The following ARID5B variants were observed in gnomAD, a reference collection of about 807,000 sequenced individuals.
ARID5B encodes the protein AT-rich interaction domain 5B.
A neutral mutation model predicts 97.2 loss-of-function variants in ARID5B; 13 were observed. The observed-to-expected ratio is 0.13, with a 90% confidence interval of 0.09 to 0.21. The LOEUF (loss-of-function observed/expected upper bound fraction) is 0.21, where lower values mean the gene tolerates loss of function less well. ARID5B is among the 10% of genes least tolerant of loss of function. The pLI is 1.00. For missense variants in ARID5B, 1,210 were observed against 1,465.3 expected (o/e 0.83, Z 2.84); for synonymous variants, 556 against 570.3 (o/e 0.97, Z 0.36).
At chr10:61,948,111 C>A (rs1055925889) in intron 3 of ARID5B, among the ~76,000 whole-genome samples, 1 of 152,100 alleles carries the variant, frequency 6.6e-6, no homozygotes, top group Non-Finnish European at 1.5e-5. Flanking sequence ...GAAATTGGAA[C>A]TTTCTGTGCT....
intron 4 of ARID5B, among the ~76,000 whole-genome samples, chr10:62,010,685 A>T (rs1315933241): frequency 6.6e-6 from 1 of 152,192 alleles, no homozygotes; most frequent in African/African-American, 2.4e-5. Flanking sequence ...TTAGCTAAAG[A>T]TTGTTCATTT....
chr10:62,046,054 A>G, intron 4 of ARID5B, among the ~76,000 whole-genome samples: 1 of 152,228 alleles, frequency 6.6e-6, no homozygotes. Flanking sequence ...GGAAGCTCAC[A>G]AAGAATTTCT....
At chr10:61,902,789 C>T (rs1221815666) in intron 2 of ARID5B, among the ~76,000 whole-genome samples, 1 of 150,740 alleles carries the variant, frequency 6.6e-6, no homozygotes, top group Admixed American at 6.6e-5. Context: ...TGAAAATTTA[C>T]CTTCGTGTCT....
At chr10:61,925,250 G>T (rs1221493788) in intron 2 of ARID5B, among the ~76,000 whole-genome samples, 2 of 152,024 alleles carry the variant, frequency 1.3e-5, no homozygotes, top group African/African-American at 2.4e-5. Flanking sequence ...TAAAGTAATG[G>T]TCGAGTCATT....
intron 7 of ARID5B, among the ~76,000 whole-genome samples, chr10:62,065,152 C>T (rs1179791745): frequency 2.0e-5 from 3 of 152,184 alleles, no homozygotes; most frequent in Admixed American, 6.5e-5. Context: ...GTGCTTTTCA[C>T]AGAGTCTCTT....
intron 4 of ARID5B, among the ~76,000 whole-genome samples, chr10:62,005,984 A>G (rs532148723): frequency 3.9e-5 from 6 of 152,346 alleles, no homozygotes; most frequent in Admixed American, 2.0e-4. Context: ...TGATCTCCCA[A>G]ATGATAAGAA....
At chr10:61,976,584 G>A (rs1379792969) in intron 3 of ARID5B, among the ~76,000 whole-genome samples, 1 of 152,164 alleles carries the variant, frequency 6.6e-6, no homozygotes, top group African/African-American at 2.4e-5. Context: ...TACTGATGGG[G>A]AAAATGAATA....
chr10:62,038,948 A>C (rs1839599736), intron 4 of ARID5B, among the ~76,000 whole-genome samples: 2 of 152,238 alleles, frequency 1.3e-5, no homozygotes, highest in Admixed American at 6.5e-5. Context: ...ATTGCCATAC[A>C]TGCAGCCTCC....
intron 3 of ARID5B, among the ~76,000 whole-genome samples, chr10:61,974,280 T>G (rs557120044): frequency 6.6e-6 from 1 of 152,338 alleles, no homozygotes; most frequent in East Asian, 1.9e-4. Context: ...AAGATCATAT[T>G]TAATTTTAAA....
At chr10:62,056,145 A>G (rs555685028) in intron 5 of ARID5B, among the ~76,000 whole-genome samples, 3 of 152,328 alleles carry the variant, frequency 2.0e-5, no homozygotes, top group East Asian at 3.9e-4. Context: ...CTTGTAGAAC[A>G]TGGCAGTGAG....
intron 4 of ARID5B, among the ~76,000 whole-genome samples, chr10:62,008,437 C>T (rs1025113926): frequency 6.6e-6 from 1 of 152,116 alleles, no homozygotes; most frequent in Non-Finnish European, 1.5e-5. Context: ...TGATGGAAAA[C>T]AGATAACTGA....
At chr10:62,085,644 G>T in intron 8 of ARID5B, 58 bp from the exon 9 acceptor site, 2 of 1,389,590 alleles carry the variant, frequency 1.4e-6, no homozygotes, top group Non-Finnish European at 2.0e-6. Flanking sequence ...AACCCCCATA[G>T]CATTGATGCT....
At chr10:62,063,168 A>C (rs1405327423) in intron 7 of ARID5B, among the ~76,000 whole-genome samples, 1 of 152,094 alleles carries the variant, frequency 6.6e-6, no homozygotes, top group East Asian at 1.9e-4. Flanking sequence ...TGTTTTTTGT[A>C]TCTAACATGA....
intron 2 of ARID5B, among the ~76,000 whole-genome samples, chr10:61,933,160 T>G (rs1465198993): frequency 2.0e-5 from 3 of 152,260 alleles, no homozygotes; most frequent in African/African-American, 7.2e-5. Context: ...CTTTCTTTAC[T>G]CATTCATAAG....
chr10:61,947,885 C>T (rs1838260779), intron 3 of ARID5B, among the ~76,000 whole-genome samples: 1 of 152,176 alleles, frequency 6.6e-6, no homozygotes, highest in South Asian at 2.1e-4. Flanking sequence ...CATGAAGGCA[C>T]AATCCAAGTT....
At chr10:62,083,471 G>T (rs950159533) in intron 8 of ARID5B, among the ~76,000 whole-genome samples, 2 of 152,110 alleles carry the variant, frequency 1.3e-5, no homozygotes, top group South Asian at 2.1e-4. Context: ...GCGTCCATGG[G>T]GTGTCTCTCC....
chr10:62,072,375 C>T (rs2132958078), intron 8 of ARID5B, among the ~76,000 whole-genome samples: 1 of 152,270 alleles, frequency 6.6e-6, no homozygotes, highest in East Asian at 1.9e-4. Flanking sequence ...CTTTTCTCTC[C>T]CTGCCTCCCA....
intron 4 of ARID5B, among the ~76,000 whole-genome samples, chr10:62,003,378 G>C (rs575735614): frequency 5.9e-5 from 9 of 152,314 alleles, no homozygotes; most frequent in Non-Finnish European, 1.2e-4. Flanking sequence ...TGAGGGGTCA[G>C]GGAAAGCCTC....
intron 2 of ARID5B, among the ~76,000 whole-genome samples, chr10:61,921,425 G>C (rs1196756139): frequency 6.6e-6 from 1 of 152,174 alleles, no homozygotes; most frequent in African/African-American, 2.4e-5. Flanking sequence ...CAGGCTGTTG[G>C]ACTGAGGCCC....
Sources: allele counts gnomAD v4.1 joint callset (sites outside exome capture counted in the v4.1 genomes callset), GRCh38; gene constraint gnomAD v4.1.1; transcripts MANE v1.5; gene names NCBI Gene and HGNC (gene_info 2026-07-23, HGNC 2026-07-21).